CPQ: variants seen among roughly 807,000 people sequenced by gnomAD.
CPQ encodes the protein carboxypeptidase Q.
Under a neutral mutation model 45.7 loss-of-function variants are expected in CPQ, and 37 were observed. The observed-to-expected ratio is 0.81, with a 90% CI of 0.62 to 1.07. The LOEUF (loss-of-function observed/expected upper bound fraction) is 1.07, where lower values mean the gene tolerates loss of function less well. Among genes scored for constraint, CPQ ranks in the 50% least tolerant of loss-of-function variants. CPQ has a pLI of 0.00. For synonymous variants in CPQ, 186 were observed against 205.8 expected, an observed-to-expected ratio of 0.90 and a Z score of 0.82; for missense variants, 537 against 572.9, an observed-to-expected ratio of 0.94 and a Z score of 0.64.
intron 2 of CPQ, among the ~76,000 whole-genome samples, chr8:96,818,413 G>C (rs180774207): frequency 6.6e-6 from 1 of 151,916 alleles, no homozygotes; most frequent in Non-Finnish European, 1.5e-5. Flanking sequence ...TTGAAATATT[G>C]CAAGAATTAC....
intron 7 of CPQ, among the ~76,000 whole-genome samples, chr8:97,129,712 CTTG>C (rs1440693361): frequency 6.6e-6 from 1 of 152,088 alleles, no homozygotes; most frequent in African/African-American, 2.4e-5. Flanking sequence ...AGGCTTTTTT[CTTG>C]TTAAGCTTTA....
intron 5 of CPQ, among the ~76,000 whole-genome samples, chr8:97,027,985 C>A (rs1809830227): frequency 6.6e-6 from 1 of 152,164 alleles, no homozygotes; most frequent in Non-Finnish European, 1.5e-5. Flanking sequence ...CTGCAGCAAT[C>A]CAGACAACTG....
intron 4 of CPQ, among the ~76,000 whole-genome samples, chr8:96,937,819 T>C (rs1813073899): frequency 6.6e-6 from 1 of 152,190 alleles, no homozygotes; most frequent in African/African-American, 2.4e-5. Flanking sequence ...AGATATCTTT[T>C]AGGTTTAATA....
chr8:97,023,178 C>G (rs1228793711), intron 5 of CPQ, among the ~76,000 whole-genome samples: 1 of 150,800 alleles, frequency 6.6e-6, no homozygotes, highest in Non-Finnish European at 1.5e-5. Flanking sequence ...TTCGCAGTGA[C>G]CTGGATGAGA....
At chr8:96,646,147 A>G (rs1397332550) in intron 1 of CPQ, among the ~76,000 whole-genome samples, 1 of 151,754 alleles carries the variant, frequency 6.6e-6, no homozygotes, top group Non-Finnish European at 1.5e-5. Context: ...AGTTGTGTGA[A>G]TGTCGCACTT....
intron 7 of CPQ, among the ~76,000 whole-genome samples, chr8:97,136,301 G>A (rs1331347444): frequency 6.6e-6 from 1 of 152,146 alleles, no homozygotes; most frequent in Non-Finnish European, 1.5e-5. Context: ...TTTAAAAAGC[G>A]ATCGTCACAA....
chr8:96,917,075 A>G (rs1250269239), intron 4 of CPQ, among the ~76,000 whole-genome samples: 1 of 151,938 alleles, frequency 6.6e-6, no homozygotes, highest in Non-Finnish European at 1.5e-5. Flanking sequence ...GGAAATCACT[A>G]CACTGTGTGT....
chr8:97,109,043 C>G (rs1414826199), intron 7 of CPQ, among the ~76,000 whole-genome samples: 1 of 152,164 alleles, frequency 6.6e-6, no homozygotes, highest in Non-Finnish European at 1.5e-5. Flanking sequence ...ATTAAATTTA[C>G]CTTAGTTGAT....
At chr8:96,652,092 A>C (rs1219134270) in intron 1 of CPQ, among the ~76,000 whole-genome samples, 2 of 152,222 alleles carry the variant, frequency 1.3e-5, no homozygotes, top group East Asian at 3.8e-4. Context: ...CCTCTTGTTT[A>C]ATTGAAACTT....
In CPQ at chr8:96,747,205, C is replaced by T. The variant is rs548633133; in HGVS notation, c.-34-37659C>T. ...ACTCTGGAGGCCAAGGCAGGAGAAT[C>T]GCTTGAACCCAGGAGGTGGAGGTTG... On this transcript the variant is annotated intron_variant, in intron 1 of 7. Coordinates refer to ENST00000220763, the MANE Select transcript of CPQ (RefSeq NM_016134.4). 1.7e-4 allele frequency among the ~76,000 whole-genome samples: 26 copies of T among 151,360 alleles called. No homozygotes were observed. The East Asian group carries it at 3.3e-3, about 19-fold the overall frequency.
At chr8:96,766,439 TC>T (rs1027159369) in intron 1 of CPQ, among the ~76,000 whole-genome samples, 14 of 152,136 alleles carry the variant, frequency 9.2e-5, no homozygotes, top group Non-Finnish European at 1.0e-4. Context: ...CTGTGACACT[TC>T]ATCAGGGGAA....
At chr8:96,974,479 C>T (rs1268445965) in intron 5 of CPQ, among the ~76,000 whole-genome samples, 4 of 152,022 alleles carry the variant, frequency 2.6e-5, no homozygotes, top group African/African-American at 9.7e-5. Context: ...AGAAAGTCAA[C>T]AAAGAAAAAC....
chr8:96,899,953 G>C (rs547657852), intron 4 of CPQ, among the ~76,000 whole-genome samples: 44 of 152,062 alleles, frequency 2.9e-4, no homozygotes, highest in Non-Finnish European at 5.9e-4. Context: ...GCCAATTCTT[G>C]GGAAAAAAAA....
intron 1 of CPQ, among the ~76,000 whole-genome samples, chr8:96,694,701 TA>T (rs952898281): frequency 4.7e-5 from 7 of 150,268 alleles, no homozygotes; most frequent in African/African-American, 7.3e-5. Flanking sequence ...ATTAGGAAAT[TA>T]AAAAAAAATT....
intron 1 of CPQ, among the ~76,000 whole-genome samples, chr8:96,737,517 A>G (rs1018623405): frequency 6.6e-6 from 1 of 151,928 alleles, no homozygotes; most frequent in East Asian, 1.9e-4. Context: ...CTCGAGAAAA[A>G]GATGTAGGCT....
At chr8:96,980,877 G>A (rs999364176) in intron 5 of CPQ, among the ~76,000 whole-genome samples, 2 of 152,132 alleles carry the variant, frequency 1.3e-5, no homozygotes, top group African/African-American at 4.8e-5. Flanking sequence ...TGTCATAAAT[G>A]TTATGCAGAC....
intron 1 of CPQ, among the ~76,000 whole-genome samples, chr8:96,783,133 C>T (rs895551230): frequency 2.6e-5 from 4 of 152,144 alleles, no homozygotes; most frequent in Non-Finnish European, 4.4e-5. Flanking sequence ...CTAGGCTTTT[C>T]CTAGGCTGCT....
intron 1 of CPQ, among the ~76,000 whole-genome samples, chr8:96,691,707 G>A (rs1809307465): frequency 6.6e-6 from 1 of 152,168 alleles, no homozygotes; most frequent in African/African-American, 2.4e-5. Flanking sequence ...GAATTCCATT[G>A]CTGGGAAATA....
chr8:96,750,144 T>G (rs762463300), intron 1 of CPQ, among the ~76,000 whole-genome samples: 33 of 151,758 alleles, frequency 2.2e-4, no homozygotes, highest in Non-Finnish European at 4.0e-4. Flanking sequence ...ATATATATTT[T>G]ATATATACAC....
Sources: gnomAD v4.1 joint callset for allele counts (sites outside exome capture counted in the v4.1 genomes callset) on GRCh38, gnomAD v4.1.1 for gene constraint, MANE v1.5 for transcripts, NCBI Gene and HGNC (gene_info 2026-07-23, HGNC 2026-07-21) for gene names.